The following MALRD1 variants were observed in gnomAD, a reference collection of about 807,000 sequenced individuals.
MALRD1 encodes the protein MAM and LDL receptor class A domain containing 1, also known as MAM and LDL-receptor class A domain-containing protein 1.
Under a neutral mutation model 242.1 loss-of-function variants are expected in MALRD1, and 247 were observed. The observed-to-expected ratio is 1.02, with a 90% confidence interval of 0.92 to 1.13. The LOEUF (loss-of-function observed/expected upper bound fraction) is 1.13, where lower values mean the gene tolerates loss of function less well. Among genes scored for constraint, MALRD1 ranks in the 50% most tolerant of loss-of-function variants. The probability of loss-of-function intolerance (pLI) is 0.00; values close to 1 mark genes in which losing one functional copy is unlikely to be tolerated. For missense variants in MALRD1, 2,989 were observed against 2,533.1 expected, an observed-to-expected ratio of 1.18 and a Z score of -3.86; for synonymous variants, 995 against 866.6, an observed-to-expected ratio of 1.15 and a Z score of -2.60.
intron 28 of MALRD1, among the ~76,000 whole-genome samples, chr10:19,433,327 A>G (rs1211528565): frequency 6.6e-6 from 1 of 151,970 alleles, no homozygotes; most frequent in African/African-American, 2.4e-5. Context: ...GGAAAGACAA[A>G]GAGTATTTCC....
chr10:19,516,075 A>C (rs1833615604), intron 31 of MALRD1, among the ~76,000 whole-genome samples: 1 of 152,206 alleles, frequency 6.6e-6, no homozygotes, highest in African/African-American at 2.4e-5. Flanking sequence ...AGATAACATA[A>C]GCTTGTTTTA....
chr10:19,193,128 T>C (rs1836067217), intron 14 of MALRD1, among the ~76,000 whole-genome samples: 1 of 152,226 alleles, frequency 6.6e-6, no homozygotes, highest in South Asian at 2.1e-4. Context: ...CTGGAAATAC[T>C]GTATGCCCCA....
At chr10:19,323,899 C>A in intron 21 of MALRD1, 50 bp from the exon 22 acceptor site, 1 of 1,526,356 alleles carries the variant, frequency 6.6e-7, no homozygotes, top group Non-Finnish European at 8.9e-7. Flanking sequence ...GCGTGAGCCA[C>A]CGTGCCCGGC....
chr10:19,391,266 T>C (rs1846325381), intron 28 of MALRD1, among the ~76,000 whole-genome samples: 1 of 152,140 alleles, frequency 6.6e-6, no homozygotes, highest in Admixed American at 6.6e-5. Context: ...AAAAAGTATA[T>C]GCCTGTACTT....
At chr10:19,159,554 G>A (rs1316212455) in intron 12 of MALRD1, among the ~76,000 whole-genome samples, 1 of 151,764 alleles carries the variant, frequency 6.6e-6, no homozygotes, top group Non-Finnish European at 1.5e-5. Flanking sequence ...GATTGAGAAG[G>A]AATTAGAACG....
At chr10:19,547,831 T>A (rs1835304778) in intron 32 of MALRD1, among the ~76,000 whole-genome samples, 1 of 93,782 alleles carries the variant, frequency 1.1e-5, no homozygotes, top group African/African-American at 3.6e-5. Flanking sequence ...TTTTTTTTTT[T>A]TTTTTTTTTT....
intron 1 of MALRD1, among the ~76,000 whole-genome samples, chr10:19,063,003 G>A (rs567160680): frequency 6.6e-6 from 1 of 152,130 alleles, no homozygotes; most frequent in African/African-American, 2.4e-5. Flanking sequence ...AAATTAGCCA[G>A]GTGTGGTCTT....
intron 36 of MALRD1, 48 bp downstream of exon 36, chr10:19,615,971 C>G (rs991632453): frequency 1.4e-6 from 2 of 1,394,062 alleles, no homozygotes; most frequent in African/African-American, 2.9e-5. Flanking sequence ...TTGGAGTTGG[C>G]TTACTTATTT....
At chr10:19,104,958 T>C (rs1836412710) in intron 5 of MALRD1, among the ~76,000 whole-genome samples, 1 of 152,140 alleles carries the variant, frequency 6.6e-6, no homozygotes, top group Non-Finnish European at 1.5e-5. Flanking sequence ...ATGTATCCAT[T>C]GTGTAATGAT....
chr10:19,218,158 T>C (rs1019992021), intron 18 of MALRD1, among the ~76,000 whole-genome samples: 3 of 152,158 alleles, frequency 2.0e-5, no homozygotes, highest in African/African-American at 7.2e-5. Context: ...AATTATATAT[T>C]TTTATTTCAG....
intron 19 of MALRD1, among the ~76,000 whole-genome samples, chr10:19,265,788 A>G (rs1262186179): frequency 1.3e-5 from 2 of 152,052 alleles, no homozygotes; most frequent in Non-Finnish European, 2.9e-5. Context: ...TTCTGTCTAT[A>G]TGATCTATCC....
At chr10:19,488,823 G>T (rs1837343315) in intron 29 of MALRD1, 7 of 345,576 alleles carry the variant, frequency 2.0e-5, no homozygotes, top group South Asian at 1.5e-4. Flanking sequence ...AAGGTGTGTG[G>T]CCATGCAAAG....
chr10:19,390,665 A>G (rs1487184576), intron 28 of MALRD1, among the ~76,000 whole-genome samples: 2 of 151,698 alleles, frequency 1.3e-5, no homozygotes, highest in South Asian at 2.1e-4. Flanking sequence ...TGTGGAGACC[A>G]TTGCTTTTTT....
At chr10:19,295,186 A>C (rs1841637980) in intron 21 of MALRD1, among the ~76,000 whole-genome samples, 1 of 151,974 alleles carries the variant, frequency 6.6e-6, no homozygotes. Context: ...ACACAGTAGA[A>C]TTTTGTGTTA....
At chr10:19,191,291 C>A (rs993027159) in intron 14 of MALRD1, among the ~76,000 whole-genome samples, 2 of 151,940 alleles carry the variant, frequency 1.3e-5, no homozygotes, top group African/African-American at 4.8e-5. Flanking sequence ...GATTACTACC[C>A]AAAAATAATA....
chr10:19,430,777 C>T lies in MALRD1; in HGVS notation c.4846-19530C>T, dbSNP rs188482047. Among the ~76,000 whole-genome samples the T allele has an allele frequency of 5.9e-4, 90 of 152,162 alleles. 1 individual carries two copies. The highest frequency in any genetic ancestry group is 5.6e-3 in the Admixed American group (85 of 15,272). Reference sequence around the variant, plus strand: ...AGGTTTCATTATGTGTCCTCACCTGCGCTAAGGAGTATTAAAATGTATTGA... The same window carrying T: ...AGGTTTCATTATGTGTCCTCACCTGTGCTAAGGAGTATTAAAATGTATTGA... On this transcript the variant is annotated intron_variant, in intron 28 of 39. Transcript: ENST00000454679.
chr10:19,272,506 A>T (rs993889071), intron 19 of MALRD1, among the ~76,000 whole-genome samples: 8 of 152,138 alleles, frequency 5.3e-5, no homozygotes, highest in African/African-American at 1.9e-4. Context: ...TTTCGTTTTA[A>T]ATTTTATCTT....
chr10:19,530,724 T>C (rs1416421173), intron 31 of MALRD1, among the ~76,000 whole-genome samples: 2 of 151,938 alleles, frequency 1.3e-5, no homozygotes, highest in African/African-American at 4.8e-5. Flanking sequence ...CAGAAAAAGC[T>C]ATTGTAATGA....
At chr10:19,607,696 A>G (rs753731949) in intron 34 of MALRD1, 81 bp from the exon 35 acceptor site, 36 of 1,472,680 alleles carry the variant, frequency 2.4e-5, no homozygotes, top group Non-Finnish European at 3.2e-5. Flanking sequence ...AAACTGTTTT[A>G]TGTTATTTTG....
Sources: allele counts gnomAD v4.1 joint callset (sites outside exome capture counted in the v4.1 genomes callset), GRCh38; gene constraint gnomAD v4.1.1; transcripts MANE v1.5; gene names NCBI Gene and HGNC (gene_info 2026-07-23, HGNC 2026-07-21).